KCNC2: variants seen among roughly 807,000 people sequenced by gnomAD.
KCNC2 encodes potassium voltage-gated channel subfamily C member 2, also known as voltage-gated potassium channel KCNC2.
Under a neutral mutation model 44.5 loss-of-function variants are expected in KCNC2, and 21 were observed. The ratio of observed to expected loss-of-function variants is 0.47; its 90% CI spans 0.33 to 0.68. KCNC2 has a LOEUF of 0.68. Ranked by LOEUF, KCNC2 falls within the 30% of genes least tolerant of loss-of-function variation. KCNC2 has a pLI of 0.01. For missense variants in KCNC2, 589 were observed against 826.2 expected (o/e 0.71, Z 3.52); for synonymous variants, 391 against 339.1 (o/e 1.15, Z -1.68).
chr12:75,114,073 A>C (rs1168613243), intron 2 of KCNC2, among the ~76,000 whole-genome samples: 1 of 152,204 alleles, frequency 6.6e-6, no homozygotes, highest in Non-Finnish European at 1.5e-5. Context: ...AGACTCAGAA[A>C]ATTTAATTAA....
intron 2 of KCNC2, among the ~76,000 whole-genome samples, chr12:75,117,856 T>A (rs1887783278): frequency 6.6e-6 from 1 of 152,160 alleles, no homozygotes; most frequent in South Asian, 2.1e-4. Flanking sequence ...ATGCATGCCA[T>A]AATTTAGGGC....
chr12:75,099,145 C>A (rs550587214), intron 2 of KCNC2, among the ~76,000 whole-genome samples: 8 of 152,282 alleles, frequency 5.3e-5, no homozygotes, highest in African/African-American at 1.9e-4. Flanking sequence ...CAATTGTAAA[C>A]AGAAAACTGA....
At chr12:75,059,524 C>T (rs1398984393) in intron 2 of KCNC2, among the ~76,000 whole-genome samples, 2 of 152,014 alleles carry the variant, frequency 1.3e-5, no homozygotes, top group Non-Finnish European at 2.9e-5. Flanking sequence ...TAAAACAGTG[C>T]CACTCTTCTA....
At chr12:75,105,618 A>G (rs1886721518) in intron 2 of KCNC2, among the ~76,000 whole-genome samples, 1 of 152,216 alleles carries the variant, frequency 6.6e-6, no homozygotes, top group South Asian at 2.1e-4. Context: ...TTTTCAAGGC[A>G]TAGAAACAGA....
At chr12:75,100,126 TTA>T (rs147777610) in intron 2 of KCNC2, among the ~76,000 whole-genome samples, 5,025 of 152,166 alleles carry the variant, frequency 0.033, 236 homozygotes, top group East Asian at 0.14. Flanking sequence ...AAGATTTAGT[TTA>T]ATAAAAATGT....
chr12:75,157,965 A>G (rs1890873055), intron 2 of KCNC2, among the ~76,000 whole-genome samples: 1 of 151,958 alleles, frequency 6.6e-6, no homozygotes, highest in Admixed American at 6.6e-5. Flanking sequence ...TATTGATGTC[A>G]AGGCCATTTA....
chr12:75,079,621 TG>T (rs1884301344), intron 2 of KCNC2, among the ~76,000 whole-genome samples: 1 of 152,078 alleles, frequency 6.6e-6, no homozygotes, highest in Non-Finnish European at 1.5e-5. Context: ...TCAGACATCA[TG>T]AATATGAACA....
At chr12:75,124,370 A>G (rs943205794) in intron 2 of KCNC2, among the ~76,000 whole-genome samples, 7 of 152,222 alleles carry the variant, frequency 4.6e-5, no homozygotes, top group African/African-American at 1.7e-4. Flanking sequence ...GATTGCAATA[A>G]CAGGGATTTA....
At chr12:75,101,647 T>TA (rs1200114692) in intron 2 of KCNC2, among the ~76,000 whole-genome samples, 1 of 152,014 alleles carries the variant, frequency 6.6e-6, no homozygotes, top group African/African-American at 2.4e-5. Context: ...CCTTAGGAAA[T>TA]AAAAAAGACC....
chr12:75,078,898 ATACTT>A (rs1424002146), intron 2 of KCNC2, among the ~76,000 whole-genome samples: 5 of 152,210 alleles, frequency 3.3e-5, no homozygotes, highest in Admixed American at 2.6e-4. Context: ...TAACTCAAGA[ATACTT>A]TAATTACGGT....
intron 2 of KCNC2, among the ~76,000 whole-genome samples, chr12:75,133,504 T>C (rs1889006180): frequency 6.6e-6 from 1 of 151,776 alleles, no homozygotes; most frequent in East Asian, 1.9e-4. Context: ...AAGTTTTTTA[T>C]AGATGGGTTA....
chr12:75,182,520 C>CAAAAAAAA (rs71438888), intron 2 of KCNC2, among the ~76,000 whole-genome samples: 36 of 81,374 alleles, frequency 4.4e-4, no homozygotes, highest in South Asian at 1.4e-3. Context: ...GATTCCGTCT[C>CAAAAAAAA]AAAAAAAAAA....
intron 2 of KCNC2, among the ~76,000 whole-genome samples, chr12:75,154,148 T>G (rs1289650041): frequency 1.3e-5 from 2 of 152,048 alleles, no homozygotes; most frequent in African/African-American, 4.8e-5. Context: ...ATTGAGTGCT[T>G]TCATGATAGG....
chr12:75,098,189 T>G (rs1190931513), intron 2 of KCNC2, among the ~76,000 whole-genome samples: 1 of 152,180 alleles, frequency 6.6e-6, no homozygotes, highest in Admixed American at 6.6e-5. Context: ...ATATTTTATG[T>G]TAAAACACAT....
In KCNC2 at chr12:75,041,867, G is replaced by A. The variant is rs1000683131; in HGVS notation, c.*1238C>T. 2.9e-5 allele frequency: 29 copies of A among 989,242 alleles called. No individual in the cohort carries two copies. The highest frequency in any genetic ancestry group is 3.0e-5 in the Non-Finnish European group (25 of 832,718). 61.3% of individuals were successfully genotyped at this position (989,242 alleles called of 1,614,324 possible). ...AAATAGCAAAAAATGGTATGGAGTC[G>A]GGTTTGGAGGGAGTAAATATTAAAA... On this transcript the variant is annotated 3_prime_UTR_variant, in exon 5 of 5. Coordinates refer to ENST00000549446, the MANE Select transcript of KCNC2 (RefSeq NM_139137.4).
intron 2 of KCNC2, among the ~76,000 whole-genome samples, chr12:75,155,863 G>C (rs1458602): frequency 0.18 from 27,378 of 151,678 alleles, 2,663 homozygotes; most frequent in African/African-American, 0.21. Flanking sequence ...TTCAAAATGG[G>C]TATTATTTAC....
rs565533105 is a variant in KCNC2 at position 75,043,951 on chromosome 12, T to C, written c.1781-710A>G. On this transcript the variant is annotated intron_variant, in intron 4 of 4. Transcript: ENST00000549446. The stretch of plus-strand genomic sequence containing the variant: ...CACCCCCGACCTTCCCACCCAGGAA[T>C]TGAGAATAATTTGGTGTTAATTCAT... 70 of 521,072 alleles carry C rather than the reference T, an allele frequency of 1.3e-4. No individual in the cohort carries two copies. The South Asian group carries it at 2.2e-3, about 16-fold the overall frequency. The allele number at this position is 521,072 out of a possible 1,614,324, so 32.3% of individuals were successfully genotyped here.
intron 2 of KCNC2, among the ~76,000 whole-genome samples, chr12:75,113,997 T>TAC (rs747570084): frequency 3.9e-5 from 6 of 152,166 alleles, no homozygotes; most frequent in East Asian, 1.9e-4. Flanking sequence ...TACACATATA[T>TAC]ACACACACAC....
intron 2 of KCNC2, among the ~76,000 whole-genome samples, chr12:75,070,714 A>G (rs1023381637): frequency 4.6e-5 from 7 of 151,858 alleles, no homozygotes; most frequent in Non-Finnish European, 1.0e-4. Context: ...TTTTATTTAT[A>G]TTCACCCTTT....
Sources: gnomAD v4.1 joint callset for allele counts (sites outside exome capture counted in the v4.1 genomes callset) on GRCh38, gnomAD v4.1.1 for gene constraint, MANE v1.5 for transcripts, NCBI Gene and HGNC (gene_info 2026-07-23, HGNC 2026-07-21) for gene names.